The following LMAN2L variants were observed in gnomAD, a reference collection of about 807,000 sequenced individuals.
LMAN2L encodes lectin, mannose binding 2 like.
A neutral mutation model predicts 44.3 loss-of-function variants in LMAN2L; 30 were observed. The observed-to-expected ratio is 0.68, with a 90% CI of 0.51 to 0.92. LMAN2L has a LOEUF of 0.92. LMAN2L is among the 40% of genes least tolerant of loss of function. The pLI is 0.00. For synonymous variants in LMAN2L, 183 were observed against 171.1 expected (o/e 1.07, Z -0.54); for missense variants, 429 against 446.1 (o/e 0.96, Z 0.35).
intron 2 of LMAN2L, among the ~76,000 whole-genome samples, chr2:96,735,711 G>A (rs1434044216): frequency 1.3e-5 from 2 of 152,024 alleles, no homozygotes; most frequent in African/African-American, 4.8e-5. Flanking sequence ...GGTGGTGGGC[G>A]CCTGGAGTCC....
At chr2:96,707,474 C>A in intron 7 of LMAN2L, 76 bp from the exon 8 acceptor site, 2 of 1,476,790 alleles carry the variant, frequency 1.4e-6, no homozygotes, top group Non-Finnish European at 9.1e-7. Flanking sequence ...ATAGGCTGTC[C>A]GGCCCCCAGT....
chr2:96,734,594 C>G (rs1004111073), intron 2 of LMAN2L, 68 bp from the exon 3 acceptor site: 3 of 957,562 alleles, frequency 3.1e-6, no homozygotes, highest in Middle Eastern at 2.1e-4. Context: ...CCCACATCAG[C>G]AATCAACAGA....
intron 4 of LMAN2L, among the ~76,000 whole-genome samples, chr2:96,719,017 C>T (rs2078097021): frequency 6.6e-6 from 1 of 152,154 alleles, no homozygotes; most frequent in African/African-American, 2.4e-5. Flanking sequence ...ACTCCAAAAT[C>T]AGGAGACTAA....
chr2:96,708,208 A>G (rs915171954), intron 6 of LMAN2L, among the ~76,000 whole-genome samples: 1 of 152,254 alleles, frequency 6.6e-6, no homozygotes, highest in African/African-American at 2.4e-5. Context: ...CTCTGTACTG[A>G]GGCTGGGCAG....
At chr2:96,723,459 C>G (rs2078201704) in intron 4 of LMAN2L, among the ~76,000 whole-genome samples, 1 of 152,188 alleles carries the variant, frequency 6.6e-6, no homozygotes, top group Non-Finnish European at 1.5e-5. Flanking sequence ...TTGCATATAT[C>G]TTTTCCCATT....
chr2:96,729,097 G>C (rs769026648), intron 4 of LMAN2L, among the ~76,000 whole-genome samples: 1 of 143,944 alleles, frequency 6.9e-6, no homozygotes, highest in Non-Finnish European at 1.5e-5. Context: ...GCGTGAACCC[G>C]GGAGGCGGAG....
chr2:96,737,942 T>G lies in LMAN2L; in HGVS notation c.306+7A>C, dbSNP rs767602542. 1.3e-6 allele frequency: 2 copies of G among 1,592,362 alleles called. No individual in the cohort carries two copies. Among genetic ancestry groups the G allele is most frequent in the Admixed American group, 1.7e-5 (1 of 59,922 alleles). On this transcript the variant is annotated splice_region_variant and intron_variant, in intron 2 of 7. Transcript: ENST00000264963. Reference sequence around the variant, plus strand: ...GTCACCAACACAGGAGGGAGAAAGATTCTTACCACCCGGTTCCACAAGGCA... The same window carrying G: ...GTCACCAACACAGGAGGGAGAAAGAGTCTTACCACCCGGTTCCACAAGGCA...
rs114349109 is a variant in LMAN2L, at chr2:96,708,182, G to A, written c.785-349C>T. Among the ~76,000 whole-genome samples the A allele has an allele frequency of 6.0e-3, 916 of 152,334 alleles. 5 individuals carry two copies. The highest frequency in any genetic ancestry group is 0.021 in the African/African-American group (861 of 41,578). On this transcript the variant is annotated intron_variant, in intron 6 of 7. Transcript: ENST00000264963. ...AGTTTTGATCTTTTCCCAGGCTAGC[G>A]ATGTGTAGTACAACACTCTGTACTG...
intron 3 of LMAN2L, 141 bp downstream of exon 3, chr2:96,734,268 C>G (rs1170302312): frequency 1.5e-6 from 1 of 683,076 alleles, no homozygotes; most frequent in Non-Finnish European, 2.6e-6. Flanking sequence ...GTTCTAGAGA[C>G]TAGAAGGGCC....
rs192212581 is a variant in LMAN2L at position 96,723,811 on chromosome 2, G to A, written c.507+9708C>T. The stretch of plus-strand genomic sequence containing the variant: ...TTGTGGAAAATTAATTGATTAGACC[G>A]GGCACGGTGGCTCACGCCTGTAATC... On this transcript the variant is annotated intron_variant, in intron 4 of 7. Coordinates refer to ENST00000264963, the MANE Select transcript of LMAN2L (RefSeq NM_030805.4). Among the ~76,000 whole-genome samples the A allele has an allele frequency of 2.1e-4, 32 of 152,242 alleles. 1 individual carries two copies. The highest frequency in any genetic ancestry group is 3.9e-4 in the East Asian group (2 of 5,176).
intron 4 of LMAN2L, among the ~76,000 whole-genome samples, chr2:96,726,409 G>A (rs377587770): frequency 1.3e-4 from 20 of 152,058 alleles, no homozygotes; most frequent in African/African-American, 4.1e-4. Context: ...TTAAACAGAA[G>A]TGATAAGAGT....
At chr2:96,712,978 A>G in intron 4 of LMAN2L, 1 of 739,002 alleles carries the variant, frequency 1.4e-6, no homozygotes, top group Non-Finnish European at 2.3e-6. Flanking sequence ...GTTAACATGC[A>G]AGATGGAGAT....
intron 4 of LMAN2L, among the ~76,000 whole-genome samples, chr2:96,723,914 C>T (rs918234119): frequency 6.6e-6 from 1 of 151,878 alleles, no homozygotes; most frequent in African/African-American, 2.4e-5. Context: ...TGGTGAAACC[C>T]CATCTCTACT....
intron 6 of LMAN2L, among the ~76,000 whole-genome samples, chr2:96,709,499 G>C (rs1472801304): frequency 2.0e-5 from 3 of 152,164 alleles, no homozygotes; most frequent in African/African-American, 2.4e-5. Context: ...CTGGGGCCTG[G>C]ATTTCTGGTC....
At chr2:96,720,919 A>G (rs1046096775) in intron 4 of LMAN2L, among the ~76,000 whole-genome samples, 1 of 152,212 alleles carries the variant, frequency 6.6e-6, no homozygotes, top group South Asian at 2.1e-4. Context: ...AACCTGGGCG[A>G]CAGGGTGAGA....
chr2:96,733,267 C>G lies in LMAN2L; in HGVS notation c.507+252G>C, dbSNP rs146301789. Among the ~76,000 whole-genome samples, 19 of 152,232 alleles carry G rather than the reference C, an allele frequency of 1.2e-4. No individual in the cohort carries two copies. The East Asian group carries it at 2.3e-3, about 19-fold the overall frequency. ...AAACATGCTCAATTTTAGTGGCTAT[C>G]TAATAGGCACAAGAGAGAACATGAT... On this transcript the variant is annotated intron_variant, in intron 4 of 7. Coordinates refer to ENST00000264963, the MANE Select transcript of LMAN2L (RefSeq NM_030805.4).
chr2:96,734,558 G>T (rs1206663600), intron 2 of LMAN2L, 32 bp from the exon 3 acceptor site: 2 of 1,408,248 alleles, frequency 1.4e-6, no homozygotes, highest in Non-Finnish European at 2.0e-6. Flanking sequence ...AATCAATGAG[G>T]AGCATGAAAT....
At chr2:96,727,518 G>A (rs1329461476) in intron 4 of LMAN2L, among the ~76,000 whole-genome samples, 1 of 152,148 alleles carries the variant, frequency 6.6e-6, no homozygotes, top group South Asian at 2.1e-4. Context: ...TGTGGTCCCA[G>A]CTACTGGGAA....
At chr2:96,709,186 G>A (rs549163559) in intron 6 of LMAN2L, among the ~76,000 whole-genome samples, 10 of 152,170 alleles carry the variant, frequency 6.6e-5, no homozygotes, top group Admixed American at 6.5e-4. Flanking sequence ...CTCCCAAAGT[G>A]CTGGCATTAC....
Sources: gnomAD v4.1 joint callset for allele counts (sites outside exome capture counted in the v4.1 genomes callset) on GRCh38, gnomAD v4.1.1 for gene constraint, MANE v1.5 for transcripts, NCBI Gene and HGNC (gene_info 2026-07-23, HGNC 2026-07-21) for gene names.